Variants in CEP112 observed in about 807,000 individuals in gnomAD.
CEP112 encodes centrosomal protein of 112 kDa.
CEP112 carries 127 observed loss-of-function variants against 153.0 expected under a neutral mutation model. The observed-to-expected ratio is 0.83, with a 90% CI of 0.72 to 0.96. CEP112 has a LOEUF of 0.96. Among genes scored for constraint, CEP112 ranks in the 40% least tolerant of loss-of-function variants. The pLI is 0.00. For missense variants in CEP112, 1,089 were observed against 1,101.2 expected (o/e 0.99, Z 0.16); for synonymous variants, 358 against 374.4 (o/e 0.96, Z 0.51).
chr17:66,125,583 C>T (rs913613921), intron 6 of CEP112, among the ~76,000 whole-genome samples: 9 of 151,790 alleles, frequency 5.9e-5, no homozygotes, highest in Non-Finnish European at 1.3e-4. Context: ...CATGAAATTG[C>T]CTAAAATAAA....
chr17:65,857,494 C>T (rs2058165413), intron 20 of CEP112, among the ~76,000 whole-genome samples: 1 of 152,196 alleles, frequency 6.6e-6, no homozygotes. Context: ...CCCACCTCAG[C>T]CTCCCAAAGT....
At position 66,191,752 on chromosome 17, in the gene CEP112, T is replaced by G. The variant is rs1421989260; in HGVS notation, c.-9+245A>C. On this transcript the variant is annotated intron_variant, in intron 1 of 26. Coordinates refer to ENST00000535342, the MANE Select transcript of CEP112 (RefSeq NM_001199165.4). The surrounding 1 kb of genome is among the most constrained non-coding windows in gnomAD (Gnocchi z 4.2). ...CCGATCAAACCGGCTGATCAAACTT[T>G]ACTTAGAACTTTCCCAAGTCGTCCC... 6.6e-6 allele frequency: 1 copy of G among 152,642 alleles called. No homozygotes were observed. Among genetic ancestry groups the G allele is most frequent in the Non-Finnish European group, 1.5e-5 (1 of 68,076 alleles). 9.5% of individuals were successfully genotyped at this position (152,642 alleles called of 1,614,324 possible).
intron 17 of CEP112, among the ~76,000 whole-genome samples, chr17:65,990,382 A>ACAT (rs1405347227): frequency 5.3e-5 from 8 of 152,378 alleles, no homozygotes; most frequent in Admixed American, 2.0e-4. Context: ...GCTGAAAGAT[A>ACAT]CATCAAAGAG....
At chr17:65,821,699 G>A (rs565612819) in intron 21 of CEP112, among the ~76,000 whole-genome samples, 10 of 150,692 alleles carry the variant, frequency 6.6e-5, no homozygotes, top group African/African-American at 2.4e-4. Flanking sequence ...TTACAGGCAT[G>A]TGCCACCACA....
chr17:65,795,360 G>C (rs921766216), intron 21 of CEP112, among the ~76,000 whole-genome samples: 3 of 152,160 alleles, frequency 2.0e-5, no homozygotes, highest in Non-Finnish European at 4.4e-5. Context: ...AATTCTACAG[G>C]AGAGGTATTA....
chr17:65,942,950 TTTG>T (rs539962031), intron 18 of CEP112, among the ~76,000 whole-genome samples: 38 of 152,312 alleles, frequency 2.5e-4, no homozygotes, highest in African/African-American at 8.7e-4. Flanking sequence ...CAAAATATAT[TTTG>T]TTGTATTTAA....
intron 6 of CEP112, among the ~76,000 whole-genome samples, chr17:66,115,235 T>C (rs372545205): frequency 6.6e-6 from 1 of 152,062 alleles, no homozygotes; most frequent in Admixed American, 6.5e-5. Context: ...ATACTAGGTA[T>C]TGGAGAACAG....
chr17:65,726,425 T>C (rs1461346410), intron 23 of CEP112, among the ~76,000 whole-genome samples: 2 of 152,080 alleles, frequency 1.3e-5, no homozygotes, highest in African/African-American at 4.8e-5. Context: ...CAGAGCTTCA[T>C]GGAGGAGGGA....
intron 19 of CEP112, among the ~76,000 whole-genome samples, chr17:65,906,088 T>C (rs1304507132): frequency 1.3e-5 from 2 of 152,036 alleles, no homozygotes; most frequent in Non-Finnish European, 2.9e-5. Context: ...TATGCAGCCA[T>C]AAAAAATGAT....
At chr17:65,862,834 CTATT>C (rs1228552504) in intron 20 of CEP112, among the ~76,000 whole-genome samples, 4 of 152,162 alleles carry the variant, frequency 2.6e-5, no homozygotes, top group African/African-American at 2.4e-5. Context: ...AAGAGTGCTA[CTATT>C]TATTATGGAA....
At chr17:65,696,790 G>A (rs907421393) in intron 23 of CEP112, among the ~76,000 whole-genome samples, 1 of 151,758 alleles carries the variant, frequency 6.6e-6, no homozygotes, top group East Asian at 1.9e-4. Flanking sequence ...AAAAGCTTCC[G>A]TAATAAAAAG....
chr17:65,878,646 A>T (rs1403848578), intron 20 of CEP112, among the ~76,000 whole-genome samples: 4 of 152,218 alleles, frequency 2.6e-5, no homozygotes, highest in African/African-American at 9.6e-5. Context: ...AGGCTTCAGC[A>T]GATCTAGGAG....
At chr17:66,174,220 G>A (rs2072371030) in intron 4 of CEP112, among the ~76,000 whole-genome samples, 3 of 152,160 alleles carry the variant, frequency 2.0e-5, no homozygotes, top group Admixed American at 6.5e-5. Flanking sequence ...GAGCCACCAT[G>A]CCCGGCCTGT....
chr17:66,060,423 C>T lies in CEP112; in HGVS notation c.1074+2540G>A, dbSNP rs969312406. Among the ~76,000 whole-genome samples the T allele has an allele frequency of 2.6e-5, 4 of 152,100 alleles. No homozygotes were observed. The South Asian group carries it at 8.3e-4, about 32-fold the overall frequency. ...AAGCGATCCTAAAATTTGCATGTAACCACAGAAGATTCTGAGTAGCCAAAG... is the reference window on the plus strand; with the variant it reads ...AAGCGATCCTAAAATTTGCATGTAATCACAGAAGATTCTGAGTAGCCAAAG... On this transcript the variant is annotated intron_variant, in intron 11 of 26. Transcript: ENST00000535342.
At chr17:66,164,597 C>T (rs1390780079) in intron 4 of CEP112, among the ~76,000 whole-genome samples, 3 of 149,422 alleles carry the variant, frequency 2.0e-5, no homozygotes, top group African/African-American at 7.4e-5. Flanking sequence ...GTAGCTCATG[C>T]CTGTAATCCC....
rs546930833 is a variant in CEP112, at chr17:65,746,097, G to A, written c.2458-2880C>T. 4.1e-3 allele frequency among the ~76,000 whole-genome samples: 605 copies of A among 147,282 alleles called. 5 individuals carry two copies. The highest frequency in any genetic ancestry group is 0.014 in the African/African-American group (568 of 39,504). On this transcript the variant is annotated intron_variant, in intron 22 of 26. Coordinates refer to ENST00000535342, the MANE Select transcript of CEP112 (RefSeq NM_001199165.4). ...GGAGAATCACTTGAACCCGGGAGGC[G>A]GAGGCCGCAGTGAGCCAAGATTGCG...
At chr17:65,871,215 G>A (rs1049149208) in intron 20 of CEP112, among the ~76,000 whole-genome samples, 1 of 152,152 alleles carries the variant, frequency 6.6e-6, no homozygotes, top group Non-Finnish European at 1.5e-5. Context: ...CCTGTGAAGT[G>A]GATTCCAGTG....
At chr17:66,097,053 C>T (rs2068376377) in intron 6 of CEP112, among the ~76,000 whole-genome samples, 3 of 152,286 alleles carry the variant, frequency 2.0e-5, no homozygotes, top group South Asian at 4.1e-4. Context: ...TTAATCACTG[C>T]ACTCCCAGAT....
At chr17:66,044,518 G>A (rs1473717881) in intron 12 of CEP112, among the ~76,000 whole-genome samples, 2 of 152,014 alleles carry the variant, frequency 1.3e-5, no homozygotes, top group Admixed American at 1.3e-4. Context: ...TGCATAGAGT[G>A]GAATTATTAT....
Sources: allele counts gnomAD v4.1 joint callset (sites outside exome capture counted in the v4.1 genomes callset), GRCh38; gene constraint gnomAD v4.1.1; non-coding constraint Gnocchi (gnomAD v3.1); transcripts MANE v1.5; gene names NCBI Gene and HGNC (gene_info 2026-07-23, HGNC 2026-07-21).